SHC3: variants seen among roughly 807,000 people sequenced by gnomAD.
The protein encoded by SHC3 is SHC adaptor protein 3.
SHC3 carries 15 observed loss-of-function variants against 60.4 expected under a neutral mutation model. The observed-to-expected ratio is 0.25, with a 90% confidence interval of 0.17 to 0.38. The LOEUF is 0.38. Ranked by LOEUF, SHC3 falls within the 10% of genes least tolerant of loss-of-function variation. The probability of loss-of-function intolerance (pLI) is 1.00; values close to 1 mark genes in which losing one functional copy is unlikely to be tolerated. For synonymous variants in SHC3, 294 were observed against 325.9 expected (o/e 0.90, Z 1.05); for missense variants, 677 against 786.1 (o/e 0.86, Z 1.66).
intron 5 of SHC3, among the ~76,000 whole-genome samples, chr9:89,070,557 A>T (rs1825254438): frequency 6.6e-6 from 1 of 152,218 alleles, no homozygotes; most frequent in African/African-American, 2.4e-5. Flanking sequence ...CTGAAGCTGG[A>T]TGCTGACATC....
intron 2 of SHC3, among the ~76,000 whole-genome samples, chr9:89,100,091 T>C (rs1443855724): frequency 6.6e-6 from 1 of 152,164 alleles, no homozygotes; most frequent in Non-Finnish European, 1.5e-5. Context: ...TAAAAGCTCA[T>C]GAGACATAAG....
At chr9:89,164,486 G>C (rs1452206452) in intron 1 of SHC3, among the ~76,000 whole-genome samples, 2 of 152,048 alleles carry the variant, frequency 1.3e-5, no homozygotes, top group Non-Finnish European at 2.9e-5. Flanking sequence ...GGAGTATCGG[G>C]GGGTAGGGGC....
At chr9:89,037,158 G>C (rs1218798632) in intron 11 of SHC3, among the ~76,000 whole-genome samples, 1 of 152,126 alleles carries the variant, frequency 6.6e-6, no homozygotes, top group East Asian at 1.9e-4. Flanking sequence ...TGGCACCTGA[G>C]GTAATAAACT....
chr9:89,077,521 T>G (rs569794857), intron 3 of SHC3, among the ~76,000 whole-genome samples: 1 of 152,216 alleles, frequency 6.6e-6, no homozygotes, highest in Non-Finnish European at 1.5e-5. Context: ...ACTCAGTTGT[T>G]GTAGTTAAGT....
Position 89,075,193 on chromosome 9 carries a change from C to G in SHC3, c.645G>C (p.Lys215Asn). ...PSKMLSSILG[K>N]SNLQFAGMSI... ...TCATTCCCGCAAACTGGAGGTTGCT[C>G]TTTCCCAAGATGCTGGACAGCATTT... Residue 215 changes from lysine (K) to asparagine (N), a missense_variant, in exon 4 of 12, where the codon AAG becomes AAC. Transcript: ENST00000375835. 6.2e-7 allele frequency: 1 copy of G among 1,613,918 alleles called. No individual in the cohort carries two copies. Among genetic ancestry groups the G allele is most frequent in the Non-Finnish European group, 8.5e-7 (1 of 1,179,920 alleles).
At chr9:89,049,223 T>A (rs1157059352) in intron 7 of SHC3, among the ~76,000 whole-genome samples, 1 of 152,196 alleles carries the variant, frequency 6.6e-6, no homozygotes, top group East Asian at 1.9e-4. Context: ...ATCGCGCCAC[T>A]GCACTCCAGC....
rs560897003 is a variant in SHC3, at chr9:89,129,885, A to G, written c.475-17259T>C. Among the ~76,000 whole-genome samples, 12 of 152,334 alleles carry G rather than the reference A, an allele frequency of 7.9e-5. No homozygotes were observed. In the South Asian group the frequency reaches 1.2e-3, roughly 16 times the overall value. On this transcript the variant is annotated intron_variant, in intron 1 of 11. Transcript: ENST00000375835. ...AATAACCAGCTAACATCGTAGTGAC[A>G]GGATCAAATTCACACATAACAATAT... is the stretch of plus-strand genomic sequence containing the variant.
intron 1 of SHC3, among the ~76,000 whole-genome samples, chr9:89,155,500 C>T (rs1280863743): frequency 6.6e-6 from 1 of 152,118 alleles, no homozygotes; most frequent in Non-Finnish European, 1.5e-5. Flanking sequence ...CCAGACCTCA[C>T]AGGACTGCTT....
In SHC3 at chr9:89,042,090, T is replaced by C; in HGVS notation, c.1296A>G (p.Pro432=). ...TGCTGACCGCAGCCGGCCAGGCCTG[T>C]GGTGGGATCTGCTGAGTGTTGACGT... The part of the protein sequence containing the change: ...PTYVNTQQIP[P]QAWPAAVSSA... The change falls in exon 10 of 12, where the codon CCA becomes CCG. Residue 432 remains proline, a synonymous_variant. Coordinates refer to ENST00000375835, the MANE Select transcript of SHC3 (RefSeq NM_016848.6). 3 of 1,601,704 alleles carry C rather than the reference T, an allele frequency of 1.9e-6. No individual in the cohort carries two copies. The highest frequency in any genetic ancestry group is 2.5e-6 in the Non-Finnish European group (3 of 1,176,936).
rs1454779902 is a variant in SHC3 at position 89,007,397 on chromosome 9, C to T, written c.*6050G>A. On this transcript the variant is annotated 3_prime_UTR_variant, in exon 12 of 12. Coordinates refer to ENST00000375835, the MANE Select transcript of SHC3 (RefSeq NM_016848.6). ...CCTTAAGGCTTGTCACACTCCAACACCTTTGTGTGTGTGTGTCTTTATTTC... is the reference window on the plus strand; with the variant it reads ...CCTTAAGGCTTGTCACACTCCAACATCTTTGTGTGTGTGTGTCTTTATTTC... The T allele has an allele frequency of 1.3e-5, 2 of 152,400 alleles. No homozygotes were observed. Among genetic ancestry groups the T allele is most frequent in the Non-Finnish European group, 2.9e-5 (2 of 68,070 alleles). The allele number at this position is 152,400 out of a possible 1,614,324, so 9.4% of individuals were successfully genotyped here.
intron 6 of SHC3, among the ~76,000 whole-genome samples, chr9:89,062,043 T>C: frequency 6.6e-6 from 1 of 152,252 alleles, no homozygotes; most frequent in East Asian, 1.9e-4. Context: ...TGATCAGGGA[T>C]ACTATTACAA....
Position 89,121,177 on chromosome 9 carries a change from T to G in SHC3, c.475-8551A>C, listed in dbSNP as rs189401742. Among the ~76,000 whole-genome samples, 516 of 152,306 alleles carry G rather than the reference T, an allele frequency of 3.4e-3. 5 individuals are homozygous for G. The highest frequency in any genetic ancestry group is 6.8e-3 in the Middle Eastern group (2 of 294). On this transcript the variant is annotated intron_variant, in intron 1 of 11. Coordinates refer to ENST00000375835, the MANE Select transcript of SHC3 (RefSeq NM_016848.6). ...ATTGTGATGGACAACCTAAGTCTTTTAATGAGATCAATCAAAAACTGTGAT... is the reference window on the plus strand; with the variant it reads ...ATTGTGATGGACAACCTAAGTCTTTGAATGAGATCAATCAAAAACTGTGAT...
intron 2 of SHC3, among the ~76,000 whole-genome samples, chr9:89,081,017 C>G (rs113166840): frequency 1.3e-5 from 2 of 152,026 alleles, no homozygotes; most frequent in Non-Finnish European, 1.5e-5. Flanking sequence ...CCGCCCTCCT[C>G]GGCCTCCCAA....
At chr9:89,082,869 G>A (rs964967895) in intron 2 of SHC3, among the ~76,000 whole-genome samples, 3 of 152,132 alleles carry the variant, frequency 2.0e-5, no homozygotes, top group African/African-American at 7.2e-5. Context: ...CTTCCCCACT[G>A]GCCCGCTCAT....
intron 1 of SHC3, among the ~76,000 whole-genome samples, chr9:89,123,905 G>T (rs1826126515): frequency 6.6e-6 from 1 of 152,126 alleles, no homozygotes; most frequent in Non-Finnish European, 1.5e-5. Flanking sequence ...ATTATAATAT[G>T]AACATTTTAT....
chr9:89,100,074 C>T (rs1029094283), intron 2 of SHC3, among the ~76,000 whole-genome samples: 12 of 152,096 alleles, frequency 7.9e-5, no homozygotes, highest in Non-Finnish European at 1.3e-4. Flanking sequence ...ACCCAATAAA[C>T]GTTAATTAAA....
Position 89,007,553 on chromosome 9 carries a change from CTG to C in SHC3, c.*5892_*5893del, listed in dbSNP as rs889753210. 1 of 152,284 alleles carries C rather than the reference CTG, an allele frequency of 6.6e-6. No individual in the cohort carries two copies. The highest frequency in any genetic ancestry group is 1.5e-5 in the Non-Finnish European group (1 of 68,078). The allele number at this position is 152,284 out of a possible 1,614,324, so 9.4% of individuals were successfully genotyped here. A position where few individuals can be genotyped will look rare whatever the true frequency, so the allele number is the denominator to read the frequency against. ...GAAACTGGCTAGAAATCCCAAGAAACTGTGCCAAGTATATGCAGCTGCACCTG... is the reference window on the plus strand; with the variant it reads ...GAAACTGGCTAGAAATCCCAAGAAACTGCCAAGTATATGCAGCTGCACCTG... On this transcript the variant is annotated 3_prime_UTR_variant, in exon 12 of 12. Transcript: ENST00000375835.
At chr9:89,079,322 T>G (rs1825410477) in intron 2 of SHC3, among the ~76,000 whole-genome samples, 2 of 152,358 alleles carry the variant, frequency 1.3e-5, no homozygotes, top group South Asian at 4.1e-4. Context: ...ACCCATTATC[T>G]ATATTTTATG....
At chr9:89,107,133 C>T (rs1825874151) in intron 2 of SHC3, among the ~76,000 whole-genome samples, 1 of 152,138 alleles carries the variant, frequency 6.6e-6, no homozygotes, top group Admixed American at 6.5e-5. Flanking sequence ...TTCCAGTCAC[C>T]CTGATGGGCT....
Sources: allele counts gnomAD v4.1 joint callset (sites outside exome capture counted in the v4.1 genomes callset), GRCh38; gene constraint gnomAD v4.1.1; transcripts MANE v1.5; gene names NCBI Gene and HGNC (gene_info 2026-07-23, HGNC 2026-07-21).